The following ATP8B1 variants were observed in gnomAD, a reference collection of about 807,000 sequenced individuals.
ATP8B1 encodes the protein ATPase phospholipid transporting 8B1.
Under a neutral mutation model 149.9 loss-of-function variants are expected in ATP8B1, and 80 were observed. That is an observed-to-expected ratio of 0.53 (90% CI 0.45 to 0.64). The LOEUF (loss-of-function observed/expected upper bound fraction) is 0.64, where lower values mean the gene tolerates loss of function less well. Among genes scored for constraint, ATP8B1 ranks in the 30% least tolerant of loss-of-function variants. ATP8B1 has a pLI of 0.00. For synonymous variants in ATP8B1, 536 were observed against 562.8 expected (o/e 0.95, Z 0.67); for missense variants, 1,247 against 1,552.6 (o/e 0.80, Z 3.31).
At chr18:57,756,220 C>CACAT (rs2080078482) in intron 1 of ATP8B1, among the ~76,000 whole-genome samples, 1 of 109,162 alleles carries the variant, frequency 9.2e-6, no homozygotes, top group Non-Finnish European at 1.9e-5. Context: ...TACACACACA[C>CACAT]ACACACACAC....
chr18:57,782,277 T>G (rs565205073), intron 1 of ATP8B1, among the ~76,000 whole-genome samples: 1 of 152,362 alleles, frequency 6.6e-6, no homozygotes, highest in East Asian at 1.9e-4. Flanking sequence ...GCTATGAAAT[T>G]AAGTAAGACT....
At chr18:57,689,789 G>A (rs556822345) in intron 12 of ATP8B1, among the ~76,000 whole-genome samples, 1 of 152,298 alleles carries the variant, frequency 6.6e-6, no homozygotes, top group Non-Finnish European at 1.5e-5. Context: ...AGGCCGAGGT[G>A]GGCGGATCAT....
chr18:57,740,539 C>T (rs1486449298), intron 1 of ATP8B1: 3 of 150,610 alleles, frequency 2.0e-5, no homozygotes, highest in Non-Finnish European at 4.4e-5. Flanking sequence ...GTGTGGCATA[C>T]ACATGAGGTG....
intron 17 of ATP8B1, among the ~76,000 whole-genome samples, chr18:57,670,981 C>T (rs317840): frequency 0.82 from 124,208 of 152,234 alleles, 50,779 homozygotes; most frequent in East Asian, 0.92. Context: ...AGTGCTGGGA[C>T]TACAGGCATG....
chr18:57,695,365 T>C (rs939907589), intron 9 of ATP8B1, 36 bp from the exon 10 acceptor site: 4 of 1,590,906 alleles, frequency 2.5e-6, no homozygotes, highest in East Asian at 4.5e-5. Flanking sequence ...ATTAATCACA[T>C]ACAAAAGTCT....
intron 11 of ATP8B1, among the ~76,000 whole-genome samples, chr18:57,693,865 G>C (rs1568199065): frequency 6.6e-6 from 1 of 152,138 alleles, no homozygotes; most frequent in Non-Finnish European, 1.5e-5. Flanking sequence ...CCCTGGTATA[G>C]ACAACATTTC....
At chr18:57,788,917 C>T (rs1599240856) in intron 1 of ATP8B1, among the ~76,000 whole-genome samples, 1 of 152,118 alleles carries the variant, frequency 6.6e-6, no homozygotes, top group East Asian at 1.9e-4. Context: ...CAACACAGCC[C>T]TTTTAGGAGA....
intron 20 of ATP8B1, among the ~76,000 whole-genome samples, chr18:57,666,699 C>T (rs1910881421): frequency 6.6e-6 from 1 of 152,054 alleles, no homozygotes; most frequent in Admixed American, 6.5e-5. Context: ...CCACACCCAG[C>T]TAATTTTTGT....
intron 2 of ATP8B1, among the ~76,000 whole-genome samples, chr18:57,723,673 C>T (rs1368361857): frequency 1.1e-5 from 1 of 88,788 alleles, no homozygotes; most frequent in African/African-American, 5.0e-5. Flanking sequence ...GGCCATACTG[C>T]CCAAGGTAAT....
At chr18:57,781,131 G>T (rs2080352438) in intron 1 of ATP8B1, among the ~76,000 whole-genome samples, 1 of 152,222 alleles carries the variant, frequency 6.6e-6, no homozygotes, top group Admixed American at 6.5e-5. Flanking sequence ...ATGCTGATTG[G>T]TCTCCTTCAA....
intron 3 of ATP8B1, 34 bp from the exon 4 acceptor site, chr18:57,704,702 G>T: frequency 1.5e-6 from 2 of 1,365,696 alleles, no homozygotes; most frequent in Non-Finnish European, 2.1e-6. Flanking sequence ...TCTAAATGAT[G>T]CTGTATTTAT....
In ATP8B1 at chr18:57,707,165, G is replaced by A. The variant is rs931876784; in HGVS notation, c.182-578C>T. The stretch of plus-strand genomic sequence containing the variant: ...ACTAAAAATAGCCAGGTGCAGTGGC[G>A]GGCACCTGTAATCCCAGCTTCTCAG... On this transcript the variant is annotated intron_variant, in intron 2 of 27. Coordinates refer to ENST00000648908, the MANE Select transcript of ATP8B1 (RefSeq NM_001374385.1). 5.9e-5 allele frequency among the ~76,000 whole-genome samples: 9 copies of A among 152,070 alleles called. No individual in the cohort carries two copies. In the East Asian group the frequency reaches 7.7e-4, roughly 13 times the overall value.
intron 2 of ATP8B1, among the ~76,000 whole-genome samples, chr18:57,727,902 G>T (rs1449586181): frequency 6.6e-6 from 1 of 152,166 alleles, no homozygotes; most frequent in Non-Finnish European, 1.5e-5. Context: ...TCATCCCATA[G>T]CACTGAAAAC....
At chr18:57,651,050 A>G (rs1008446153) in intron 26 of ATP8B1, among the ~76,000 whole-genome samples, 2 of 152,146 alleles carry the variant, frequency 1.3e-5, no homozygotes, top group African/African-American at 4.8e-5. Context: ...GCAAATAAGG[A>G]AAAAAAGCAC....
intron 20 of ATP8B1, among the ~76,000 whole-genome samples, chr18:57,663,640 A>T (rs898220878): frequency 4.6e-5 from 7 of 151,828 alleles, no homozygotes; most frequent in Non-Finnish European, 1.0e-4. Flanking sequence ...GTGAGGTGTT[A>T]TCTTGCTTTG....
At chr18:57,735,967 GCC>G (rs59140378) in intron 1 of ATP8B1, among the ~76,000 whole-genome samples, 3 of 134,336 alleles carry the variant, frequency 2.2e-5, no homozygotes, top group Non-Finnish European at 4.7e-5. Flanking sequence ...CCCATTCCTT[GCC>G]CCCCCCACCC....
intron 15 of ATP8B1, among the ~76,000 whole-genome samples, chr18:57,680,533 G>A (rs1226091504): frequency 6.6e-6 from 1 of 150,990 alleles, no homozygotes; most frequent in African/African-American, 2.4e-5. Flanking sequence ...GCAGTGAGCC[G>A]AGATCATGCC....
intron 1 of ATP8B1, among the ~76,000 whole-genome samples, chr18:57,789,561 C>T (rs1317628015): frequency 6.6e-6 from 1 of 152,204 alleles, no homozygotes; most frequent in Non-Finnish European, 1.5e-5. Flanking sequence ...AGTCAGGCCA[C>T]ACAAGCCAAT....
At chr18:57,688,687 T>G (rs1444757651) in intron 12 of ATP8B1, 180 bp from the exon 13 acceptor site, 13 of 671,058 alleles carry the variant, frequency 1.9e-5, no homozygotes, top group Non-Finnish European at 3.4e-5. Flanking sequence ...AGTATTGAGG[T>G]GGGGCCTTTA....
Sources: gnomAD v4.1 joint callset for allele counts (sites outside exome capture counted in the v4.1 genomes callset) on GRCh38, gnomAD v4.1.1 for gene constraint, MANE v1.5 for transcripts, NCBI Gene and HGNC (gene_info 2026-07-23, HGNC 2026-07-21) for gene names.